GPHN: variants seen among roughly 807,000 people sequenced by gnomAD.
GPHN encodes gephyrin.
GPHN carries 17 observed loss-of-function variants against 95.5 expected under a neutral mutation model. That is an observed-to-expected ratio of 0.18 (90% CI 0.12 to 0.27). The LOEUF (loss-of-function observed/expected upper bound fraction) is 0.27. Among genes scored for constraint, GPHN ranks in the 10% least tolerant of loss-of-function variants. The probability of loss-of-function intolerance (pLI) is 1.00; values close to 1 mark genes in which losing one functional copy is unlikely to be tolerated. For missense variants in GPHN, 660 were observed against 978.1 expected (o/e 0.67, Z 4.34); for synonymous variants, 320 against 322.5 (o/e 0.99, Z 0.08).
the GPHN span, chr14:67,578,251 CAGGTGGGAA>C: frequency 7.2e-6 from 11 of 1,535,756 alleles, no homozygotes; most frequent in Non-Finnish European, 9.9e-6. This position sits in a 1 kb window ranked among gnomAD's most constrained non-coding sequence, Gnocchi z 5.0. Flanking sequence ...CAAGGGCTGC[CAGGTGGGAA>C]AGGTGGGAGG....
the GPHN span, chr14:67,383,614 G>A: frequency 1.1e-6 from 1 of 870,186 alleles, no homozygotes; most frequent in Non-Finnish European, 1.7e-6. Context: ...AATGTCAGCT[G>A]TTGTCACACA....
chr14:67,521,642 G>C, the GPHN span, among the ~76,000 whole-genome samples: 1 of 152,234 alleles, frequency 6.6e-6, no homozygotes, highest in African/African-American at 2.4e-5. Context: ...AAGAACTCAT[G>C]ATTCTGTGAT....
chr14:67,594,876 G>A, the GPHN span, among the ~76,000 whole-genome samples: 1 of 152,130 alleles, frequency 6.6e-6, no homozygotes, highest in Non-Finnish European at 1.5e-5. Context: ...TAGGCCGGGC[G>A]CGGTGGCTCA....
intron 9 of GPHN, among the ~76,000 whole-genome samples, chr14:66,986,950 G>A (rs564997960): frequency 2.2e-4 from 34 of 152,264 alleles, no homozygotes; most frequent in Non-Finnish European, 4.3e-4. Context: ...ATGAAGGTGT[G>A]TTTGTATGTT....
chr14:67,393,005 C>T, the GPHN span: 5 of 862,720 alleles, frequency 5.8e-6, no homozygotes, highest in Middle Eastern at 3.5e-4. Context: ...GCCGTGGCTG[C>T]ACACCCACAC....
At chr14:67,430,383 TC>T in the GPHN span, among the ~76,000 whole-genome samples, 1 of 152,304 alleles carries the variant, frequency 6.6e-6, no homozygotes, top group East Asian at 1.9e-4. Context: ...TGGCTCTTGT[TC>T]CTGTGCAAGC....
chr14:67,437,179 T>A, the GPHN span, among the ~76,000 whole-genome samples: 3 of 152,218 alleles, frequency 2.0e-5, no homozygotes, highest in Non-Finnish European at 4.4e-5. Context: ...TGCCTACCTA[T>A]GTGTGAAATG....
the GPHN span, chr14:67,653,401 A>G: frequency 6.3e-6 from 10 of 1,595,392 alleles, no homozygotes; most frequent in African/African-American, 2.7e-5. Flanking sequence ...AAAGCCACTG[A>G]GTTAAGAGAA....
At chr14:67,262,159 A>G in the GPHN span, among the ~76,000 whole-genome samples, 1 of 152,304 alleles carries the variant, frequency 6.6e-6, no homozygotes, top group South Asian at 2.1e-4. Flanking sequence ...TAGAGATCAA[A>G]TGAGATAATA....
chr14:67,633,053 C>T, the GPHN span, among the ~76,000 whole-genome samples: 2 of 151,978 alleles, frequency 1.3e-5, no homozygotes, highest in Admixed American at 1.3e-4. Flanking sequence ...ATCTCCTGAC[C>T]TCGTGATCCG....
At chr14:67,208,035 C>A in the GPHN span, 1 of 549,404 alleles carries the variant, frequency 1.8e-6, no homozygotes, top group Non-Finnish European at 2.3e-6. Context: ...ACACCCGGGG[C>A]TCTCCCAATG....
chr14:66,629,192 T>TGTATATAAATATATATTTATATAC (rs1566729483), intron 1 of GPHN, among the ~76,000 whole-genome samples: 1 of 140,702 alleles, frequency 7.1e-6, no homozygotes, highest in Non-Finnish European at 1.5e-5. Context: ...TATATAAATA[T>TGTATATAAATATATATTTATATAC]GTATATAAAT....
chr14:67,547,911 A>T, the GPHN span, among the ~76,000 whole-genome samples: 1 of 152,146 alleles, frequency 6.6e-6, no homozygotes, highest in African/African-American at 2.4e-5. Context: ...GAGAGTTGAG[A>T]CTGTGCCTTT....
At chr14:66,508,661 G>A in intron 1 of GPHN, 70 bp downstream of exon 1, 1 of 1,348,028 alleles carries the variant, frequency 7.4e-7, no homozygotes, top group Admixed American at 1.7e-5. Context: ...TTTCGCCTGT[G>A]GTGGCCCTTC....
intron 1 of GPHN, among the ~76,000 whole-genome samples, chr14:66,590,015 AAG>A (rs1395350510): frequency 1.3e-5 from 2 of 152,230 alleles, no homozygotes; most frequent in African/African-American, 4.8e-5. Flanking sequence ...ACTCAGGACT[AAG>A]AAACTCACTC....
intron 1 of GPHN, among the ~76,000 whole-genome samples, chr14:66,539,409 CTTTTTTT>C (rs1000117893): frequency 6.9e-5 from 7 of 101,816 alleles, no homozygotes; most frequent in South Asian, 3.5e-4. Context: ...TTTCTACTTT[CTTTTTTT>C]TTTTTTTTTT....
At chr14:67,020,401 C>A (rs966613460) in intron 9 of GPHN, among the ~76,000 whole-genome samples, 1 of 152,112 alleles carries the variant, frequency 6.6e-6, no homozygotes, top group Non-Finnish European at 1.5e-5. Context: ...ATTTCTCTAA[C>A]TGTATCTAAA....
At chr14:66,944,766 C>T (rs1339729897) in intron 8 of GPHN, among the ~76,000 whole-genome samples, 1 of 152,226 alleles carries the variant, frequency 6.6e-6, no homozygotes, top group Non-Finnish European at 1.5e-5. Flanking sequence ...GTGAGAAAAA[C>T]TTAATCACTT....
At chr14:67,407,835 C>T in the GPHN span, among the ~76,000 whole-genome samples, 6 of 152,182 alleles carry the variant, frequency 3.9e-5, no homozygotes, top group East Asian at 1.2e-3. Context: ...CAGCTGGGCC[C>T]AGTGGTGTGT....
Sources: allele counts gnomAD v4.1 joint callset (sites outside exome capture counted in the v4.1 genomes callset), GRCh38; gene constraint gnomAD v4.1.1; non-coding constraint Gnocchi (gnomAD v3.1); transcripts MANE v1.5; gene names NCBI Gene and HGNC (gene_info 2026-07-23, HGNC 2026-07-21).